The following TSC22D1 variants were observed in gnomAD, a reference collection of about 807,000 sequenced individuals.
TSC22D1 encodes TSC22 domain family protein 1.
A neutral mutation model predicts 74.2 loss-of-function variants in TSC22D1; 9 were observed. The ratio of observed to expected loss-of-function variants is 0.12; its 90% CI spans 0.07 to 0.21. The LOEUF is 0.21. Among genes scored for constraint, TSC22D1 ranks in the 10% least tolerant of loss-of-function variants. The pLI, the probability that TSC22D1 is intolerant of heterozygous loss-of-function variation, is 1.00. For missense variants in TSC22D1, 1,427 were observed against 1,304.7 expected (o/e 1.09, Z -1.44); for synonymous variants, 586 against 492.5 (o/e 1.19, Z -2.51).
upstream of TSC22D1, chr13:44,577,006 G>A (rs550117762): frequency 6.5e-6 from 1 of 152,730 alleles, no homozygotes; most frequent in African/African-American, 2.4e-5. Context: ...CGCTAGGGCG[G>A]AGGGTGCGAC....
At chr13:44,548,406 A>G (rs962619850) in intron 1 of TSC22D1, among the ~76,000 whole-genome samples, 1 of 152,218 alleles carries the variant, frequency 6.6e-6, no homozygotes, top group Non-Finnish European at 1.5e-5. Context: ...GTGAGACTCC[A>G]TCTCAAATAA....
intron 1 of TSC22D1, among the ~76,000 whole-genome samples, chr13:44,512,436 T>C (rs2138014237): frequency 6.6e-6 from 1 of 152,210 alleles, no homozygotes; most frequent in African/African-American, 2.4e-5. Context: ...CCCAAAGTGC[T>C]GGGATTACAG....
chr13:44,531,540 A>G (rs1016034573), intron 1 of TSC22D1, among the ~76,000 whole-genome samples: 1 of 152,180 alleles, frequency 6.6e-6, no homozygotes, highest in Non-Finnish European at 1.5e-5. Context: ...ATATACCTGA[A>G]GCATCTAGCA....
intron 1 of TSC22D1, among the ~76,000 whole-genome samples, chr13:44,467,835 A>T (rs1877377504): frequency 1.3e-5 from 2 of 152,176 alleles, no homozygotes; most frequent in Admixed American, 1.3e-4. Context: ...CAGTATGGAG[A>T]TTTCTCAGAA....
intron 1 of TSC22D1, chr13:44,539,990 T>C: frequency 8.4e-7 from 1 of 1,196,784 alleles, no homozygotes; most frequent in Non-Finnish European, 1.1e-6. Context: ...TCTCTGGTCA[T>C]TTGAGTTTGT....
intron 1 of TSC22D1, 138 bp downstream of exon 1, chr13:44,573,025 A>G: frequency 7.9e-7 from 1 of 1,267,166 alleles, no homozygotes; most frequent in Non-Finnish European, 1.1e-6. Context: ...TGCTCTATAA[A>G]ACTTCCCATA....
intron 1 of TSC22D1, among the ~76,000 whole-genome samples, chr13:44,509,181 C>A (rs537155110): frequency 1.3e-5 from 2 of 152,122 alleles, no homozygotes; most frequent in Non-Finnish European, 1.5e-5. Flanking sequence ...AGTACCCCCC[C>A]CAAAATGGTG....
intron 1 of TSC22D1, among the ~76,000 whole-genome samples, chr13:44,572,414 G>A (rs1276641373): frequency 1.3e-5 from 2 of 152,088 alleles, no homozygotes; most frequent in Non-Finnish European, 2.9e-5. Flanking sequence ...TTATTTTCAC[G>A]CCTCTATAAA....
At chr13:44,444,547 C>A (rs1003579424) in intron 1 of TSC22D1, among the ~76,000 whole-genome samples, 3 of 151,764 alleles carry the variant, frequency 2.0e-5, no homozygotes, top group Non-Finnish European at 4.4e-5. Flanking sequence ...TCAAAGTAGA[C>A]TGCAGTGCAA....
At chr13:44,501,322 C>T (rs1358846867) in intron 1 of TSC22D1, among the ~76,000 whole-genome samples, 1 of 152,056 alleles carries the variant, frequency 6.6e-6, no homozygotes, top group Non-Finnish European at 1.5e-5. Flanking sequence ...TCAGAGAGAC[C>T]CCTCTCCAAA....
At chr13:44,458,849 G>A (rs972118037) in intron 1 of TSC22D1, among the ~76,000 whole-genome samples, 1 of 152,182 alleles carries the variant, frequency 6.6e-6, no homozygotes, top group Non-Finnish European at 1.5e-5. Flanking sequence ...CTTGGGCACC[G>A]ACAAGTGCAG....
chr13:44,469,594 G>C (rs2137903049), intron 1 of TSC22D1, among the ~76,000 whole-genome samples: 1 of 152,262 alleles, frequency 6.6e-6, no homozygotes. Flanking sequence ...GCAACAGGGA[G>C]GGTGTAGACT....
At chr13:44,471,378 T>C (rs1877594330) in intron 1 of TSC22D1, among the ~76,000 whole-genome samples, 1 of 152,226 alleles carries the variant, frequency 6.6e-6, no homozygotes, top group African/African-American at 2.4e-5. Flanking sequence ...GAAATGCAAT[T>C]GTGTAGCACT....
intron 1 of TSC22D1, chr13:44,452,879 C>T (rs1385232902): frequency 6.6e-6 from 1 of 152,342 alleles, no homozygotes; most frequent in African/African-American, 2.4e-5. Context: ...CTGCTTTTGG[C>T]TTTAAAGGTT....
intron 1 of TSC22D1, chr13:44,537,784 A>AG: frequency 6.1e-6 from 6 of 981,978 alleles, no homozygotes; most frequent in Non-Finnish European, 7.3e-6. Context: ...ATAATTAATG[A>AG]GAAAAAAATA....
Position 44,492,894 on chromosome 13 carries a change from A to G in TSC22D1, c.2913-56799T>C, listed in dbSNP as rs530709590. The stretch of plus-strand genomic sequence containing the variant: ...AATATGAGTTCTAATATTTCCCTTG[A>G]AAACTGCTCAAGAGATATACCTCCC... On this transcript the variant is annotated intron_variant, in intron 1 of 2. Transcript: ENST00000458659. Among the ~76,000 whole-genome samples, 248 of 152,300 alleles carry G rather than the reference A, an allele frequency of 1.6e-3. 3 individuals are homozygous for G. The highest frequency in any genetic ancestry group is 5.2e-3 in the African/African-American group (218 of 41,570).
At chr13:44,495,288 T>A (rs1373603021) in intron 1 of TSC22D1, among the ~76,000 whole-genome samples, 2 of 138,196 alleles carry the variant, frequency 1.4e-5, no homozygotes, top group Non-Finnish European at 3.1e-5. Flanking sequence ...ATATTTAAAA[T>A]GCTAAGGAAA....
At chr13:44,523,622 A>G (rs1293776761) in intron 1 of TSC22D1, among the ~76,000 whole-genome samples, 2 of 152,184 alleles carry the variant, frequency 1.3e-5, no homozygotes, top group Admixed American at 1.3e-4. Flanking sequence ...GTGGGGAGGT[A>G]GGAGTATGTG....
chr13:44,576,880 T>C (rs1327936050), upstream of TSC22D1, among the ~76,000 whole-genome samples: 1 of 151,722 alleles, frequency 6.6e-6, no homozygotes, highest in Non-Finnish European at 1.5e-5. Flanking sequence ...GCTCCATCAC[T>C]GGCAGCCATG....
Sources: gnomAD v4.1 joint callset for allele counts (sites outside exome capture counted in the v4.1 genomes callset) on GRCh38, gnomAD v4.1.1 for gene constraint, MANE v1.5 for transcripts, NCBI Gene and HGNC (gene_info 2026-07-23, HGNC 2026-07-21) for gene names.